Variants in PALM2AKAP2 observed in about 807,000 individuals in gnomAD.
The protein encoded by PALM2AKAP2 is PALM2 and AKAP2 fusion, also known as PALM2-AKAP2 fusion protein.
PALM2AKAP2 carries 37 observed loss-of-function variants against 71.5 expected under a neutral mutation model. The ratio of observed to expected loss-of-function variants is 0.52; its 90% CI spans 0.40 to 0.68. PALM2AKAP2 has a LOEUF of 0.68. Among genes scored for constraint, PALM2AKAP2 ranks in the 30% least tolerant of loss-of-function variants. The probability of loss-of-function intolerance (pLI) is 0.00; values close to 1 mark genes in which losing one functional copy is unlikely to be tolerated. For synonymous variants in PALM2AKAP2, 468 were observed against 478.8 expected (o/e 0.98, Z 0.29); for missense variants, 1,224 against 1,191.8 (o/e 1.03, Z -0.40).
At chr9:109,681,444 T>G (rs1377314543) in intron 1 of PALM2AKAP2, among the ~76,000 whole-genome samples, 1 of 152,232 alleles carries the variant, frequency 6.6e-6, no homozygotes, top group Non-Finnish European at 1.5e-5. Context: ...TTATGTGTGG[T>G]AAGCCAGGGC....
intron 1 of PALM2AKAP2, among the ~76,000 whole-genome samples, chr9:110,113,945 T>C (rs1457147735): frequency 6.6e-6 from 1 of 152,222 alleles, no homozygotes; most frequent in Non-Finnish European, 1.5e-5. Flanking sequence ...GTGAACTACC[T>C]GGCATTGAAG....
intron 1 of PALM2AKAP2, among the ~76,000 whole-genome samples, chr9:110,077,233 G>C (rs1307140749): frequency 3.3e-5 from 5 of 152,160 alleles, no homozygotes; most frequent in Middle Eastern, 3.4e-3. Flanking sequence ...GACTGTAGTC[G>C]TACTCCTCTA....
At chr9:109,986,673 G>A (rs1296549385) in intron 6 of PALM2AKAP2, among the ~76,000 whole-genome samples, 5 of 152,136 alleles carry the variant, frequency 3.3e-5, no homozygotes, top group Admixed American at 3.3e-4. Flanking sequence ...ACATTCTCTT[G>A]TATTATTTTC....
intron 2 of PALM2AKAP2, among the ~76,000 whole-genome samples, chr9:110,143,088 GCA>G (rs201815630): frequency 0.13 from 20,351 of 151,970 alleles, 1,373 homozygotes; most frequent in East Asian, 0.19. Context: ...AATAGTGTGT[GCA>G]TGTGTGCCCT....
chr9:109,674,909 A>C (rs1249729966), intron 1 of PALM2AKAP2, among the ~76,000 whole-genome samples: 6 of 152,182 alleles, frequency 3.9e-5, no homozygotes, highest in Admixed American at 1.3e-4. Context: ...TTCAAAAGCA[A>C]TACTCTTTCA....
intron 1 of PALM2AKAP2, among the ~76,000 whole-genome samples, chr9:110,109,318 C>CAAAAA (rs542467637): frequency 1.1e-3 from 87 of 79,634 alleles, no homozygotes; most frequent in Admixed American, 1.7e-3. Flanking sequence ...TCTTTGTCTC[C>CAAAAA]AAAAAAAAAA....
exon 4 of PALM2AKAP2, chr9:110,168,773 G>T: frequency 2.8e-6 from 1 of 354,774 alleles, no homozygotes; most frequent in Non-Finnish European, 5.2e-6. Context: ...GATCCAAAAG[G>T]ACAAAACATG....
At chr9:109,672,084 A>T (rs935769209) in intron 1 of PALM2AKAP2, among the ~76,000 whole-genome samples, 10 of 152,102 alleles carry the variant, frequency 6.6e-5, no homozygotes, top group African/African-American at 2.4e-4. Context: ...TCCTATATGG[A>T]TGCTCTTTAT....
chr9:109,980,568 G>A (rs974574714), intron 6 of PALM2AKAP2, among the ~76,000 whole-genome samples: 2 of 152,148 alleles, frequency 1.3e-5, no homozygotes, highest in African/African-American at 2.4e-5. Flanking sequence ...CTGACTTCTC[G>A]CTAGAAGGAG....
At chr9:110,021,975 C>T (rs977704880) in intron 7 of PALM2AKAP2, among the ~76,000 whole-genome samples, 1 of 152,168 alleles carries the variant, frequency 6.6e-6, no homozygotes, top group Non-Finnish European at 1.5e-5. Flanking sequence ...CTGGGGGTGG[C>T]AATGTGAGCC....
At chr9:109,693,084 C>T (rs973791292) in intron 1 of PALM2AKAP2, among the ~76,000 whole-genome samples, 1 of 151,880 alleles carries the variant, frequency 6.6e-6, no homozygotes, top group African/African-American at 2.4e-5. Context: ...GTAGAAATTA[C>T]CTAGAGAAAC....
chr9:110,043,489 T>C (rs1833540873), intron 7 of PALM2AKAP2, among the ~76,000 whole-genome samples: 1 of 152,184 alleles, frequency 6.6e-6, no homozygotes, highest in South Asian at 2.1e-4. Flanking sequence ...GATTTACCAA[T>C]TTATTATCAA....
intron 1 of PALM2AKAP2, among the ~76,000 whole-genome samples, chr9:109,828,789 G>A (rs28621374): frequency 0.011 from 1,686 of 152,320 alleles, 38 homozygotes; most frequent in African/African-American, 0.039. Flanking sequence ...TTCTGATCCC[G>A]TGGAAAGGAA....
chr9:109,862,047 G>A (rs1829324892), intron 1 of PALM2AKAP2, among the ~76,000 whole-genome samples: 1 of 152,150 alleles, frequency 6.6e-6, no homozygotes, highest in Admixed American at 6.5e-5. Flanking sequence ...TGTCCTCAAG[G>A]AGCCCATAGT....
intron 1 of PALM2AKAP2, among the ~76,000 whole-genome samples, chr9:110,080,371 A>C (rs183932020): frequency 6.6e-6 from 1 of 152,132 alleles, no homozygotes; most frequent in East Asian, 1.9e-4. Flanking sequence ...GGGAGAAGAA[A>C]CCATACATTT....
At chr9:109,810,186 C>T (rs564273598) in intron 1 of PALM2AKAP2, among the ~76,000 whole-genome samples, 3 of 152,134 alleles carry the variant, frequency 2.0e-5, no homozygotes, top group South Asian at 4.1e-4. Flanking sequence ...TCAAAAGAGA[C>T]GTCTGGGCTG....
chr9:110,077,888 C>T (rs867991775), intron 1 of PALM2AKAP2, among the ~76,000 whole-genome samples: 5 of 152,108 alleles, frequency 3.3e-5, no homozygotes, highest in Middle Eastern at 3.4e-3. Context: ...GTGGTGTACG[C>T]CTGTAATCCT....
At chr9:110,099,930 C>T (rs1834950652) in intron 1 of PALM2AKAP2, among the ~76,000 whole-genome samples, 1 of 151,166 alleles carries the variant, frequency 6.6e-6, no homozygotes, top group African/African-American at 2.4e-5. Context: ...TAATTGAGCT[C>T]TGAGAGCCGA....
chr9:109,713,519 CT>C (rs1564122246), intron 1 of PALM2AKAP2, among the ~76,000 whole-genome samples: 1 of 152,108 alleles, frequency 6.6e-6, no homozygotes. Flanking sequence ...GATATAAAGT[CT>C]CCTTTAAAAT....
Sources: allele counts gnomAD v4.1 joint callset (sites outside exome capture counted in the v4.1 genomes callset), GRCh38; gene constraint gnomAD v4.1.1; transcripts MANE v1.5; gene names NCBI Gene and HGNC (gene_info 2026-07-23, HGNC 2026-07-21).